Variants in KIDINS220 observed in about 807,000 individuals in gnomAD.
KIDINS220 encodes the protein kinase D interacting substrate 220.
In KIDINS220, 63 loss-of-function variants were observed where a neutral mutation model predicts 157.6. That is an observed-to-expected ratio of 0.40 (90% CI 0.33 to 0.49). The LOEUF (loss-of-function observed/expected upper bound fraction) is 0.49, where lower values mean the gene tolerates loss of function less well. Among genes scored for constraint, KIDINS220 ranks in the 20% least tolerant of loss-of-function variants. The pLI is 0.66. For synonymous variants in KIDINS220, 732 were observed against 783.6 expected, an observed-to-expected ratio of 0.93 and a Z score of 1.10; for missense variants, 1,772 against 2,171.2, an observed-to-expected ratio of 0.82 and a Z score of 3.65.
intron 21 of KIDINS220, among the ~76,000 whole-genome samples, chr2:8,771,576 T>C (rs1318893831): frequency 2.0e-5 from 3 of 152,202 alleles, no homozygotes; most frequent in African/African-American, 7.2e-5. Context: ...TTTTCAAACA[T>C]TGTCAATTTT....
At chr2:8,742,525 T>C (rs1665769194) in intron 26 of KIDINS220, among the ~76,000 whole-genome samples, 1 of 152,236 alleles carries the variant, frequency 6.6e-6, no homozygotes, top group South Asian at 2.1e-4. Context: ...AACAGCACAC[T>C]GGAGCTGTGT....
At chr2:8,734,456 C>A (rs1664591306) in intron 28 of KIDINS220, among the ~76,000 whole-genome samples, 199 bp downstream of exon 28, 1 of 152,044 alleles carries the variant, frequency 6.6e-6, no homozygotes, top group African/African-American at 2.4e-5. Flanking sequence ...GCAAAGGCTG[C>A]CAAGTGCTGC....
At position 8,748,006 on chromosome 2, in the gene KIDINS220, GA is replaced by G; in HGVS notation, c.3415-7del. The stretch of plus-strand genomic sequence containing the variant: ...AGGTATGGGGCAAAGAATGGCTATG[GA>G]AAAACATGTAACAAAAAAGGGGTAA... On this transcript the variant is annotated splice_region_variant and splice_polypyrimidine_tract_variant and intron_variant, in intron 24 of 29. Coordinates refer to ENST00000256707, the MANE Select transcript of KIDINS220 (RefSeq NM_020738.4). The G allele has an allele frequency of 1.3e-6, 2 of 1,514,324 alleles. No homozygotes were observed. The highest frequency in any genetic ancestry group is 2.4e-5 in the East Asian group (1 of 41,162). 93.8% of individuals were successfully genotyped at this position (1,514,324 alleles called of 1,614,324 possible). A position where few individuals can be genotyped will look rare whatever the true frequency, so the allele number is the denominator to read the frequency against.
intron 24 of KIDINS220, 135 bp from the exon 25 acceptor site, chr2:8,748,135 T>C (rs1666840405): frequency 2.3e-6 from 1 of 438,430 alleles, no homozygotes; most frequent in Non-Finnish European, 4.0e-6. Context: ...AAAAAAAGCC[T>C]CACTCATATT....
intron 17 of KIDINS220, among the ~76,000 whole-genome samples, chr2:8,783,526 A>G (rs1671984946): frequency 6.6e-6 from 1 of 152,198 alleles, no homozygotes. Flanking sequence ...ACTGGGAAGA[A>G]AGAAAGAAAA....
intron 22 of KIDINS220, among the ~76,000 whole-genome samples, chr2:8,753,563 C>A (rs534260380): frequency 1.3e-5 from 2 of 152,264 alleles, no homozygotes; most frequent in African/African-American, 4.8e-5. Flanking sequence ...GTCAATTACA[C>A]CTCCAAAAGT....
chr2:8,749,637 A>C (rs563872120), intron 24 of KIDINS220, among the ~76,000 whole-genome samples: 1 of 152,320 alleles, frequency 6.6e-6, no homozygotes, highest in South Asian at 2.1e-4. Context: ...TTGGAAAAAC[A>C]TCTGAGTTCC....
At chr2:8,773,610 T>A (rs1670533700) in intron 21 of KIDINS220, among the ~76,000 whole-genome samples, 1 of 151,970 alleles carries the variant, frequency 6.6e-6, no homozygotes, top group Non-Finnish European at 1.5e-5. Context: ...GTAGCTGGGA[T>A]TACAGGTGTG....
At chr2:8,738,696 C>G (rs1268124733) in intron 26 of KIDINS220, among the ~76,000 whole-genome samples, 1 of 152,078 alleles carries the variant, frequency 6.6e-6, no homozygotes, top group Non-Finnish European at 1.5e-5. Context: ...TAAGGAAAGA[C>G]CAAGAAACTG....
intron 21 of KIDINS220, among the ~76,000 whole-genome samples, chr2:8,773,206 AT>A (rs1670468175): frequency 1.3e-5 from 2 of 152,252 alleles, no homozygotes; most frequent in African/African-American, 4.8e-5. Flanking sequence ...AATATCTCTG[AT>A]TTAACAATTG....
intron 10 of KIDINS220, among the ~76,000 whole-genome samples, chr2:8,797,864 T>C (rs1674180842): frequency 2.0e-5 from 3 of 152,240 alleles, no homozygotes; most frequent in Admixed American, 2.0e-4. Flanking sequence ...CAGGCTGGCC[T>C]GGAACTCCTG....
rs1672340097 is a variant in KIDINS220 at position 8,785,955 on chromosome 2, G to A, written c.2015C>T (p.Ser672Phe). Residue 672 changes from serine to phenylalanine, a missense_variant, in exon 17 of 30, where the codon TCT becomes TTT. Around this residue, in one of 3 missense-constraint regions of KIDINS220, gnomAD observed 725 missense variants for 1,017.1 expected, o/e 0.71. Coordinates refer to ENST00000256707, the MANE Select transcript of KIDINS220 (RefSeq NM_020738.4). ...AAATATAGCCAGAAGAGTAATTCCAGATATAATGCAGCCAATGATAAAAAG... is the reference window on the plus strand; with the variant it reads ...AAATATAGCCAGAAGAGTAATTCCAAATATAATGCAGCCAATGATAAAAAG... ...IFLFIIGCII[S>F]GITLLAIFRV... is the part of the protein sequence containing the mutation. 1 of 1,613,434 alleles carries A rather than the reference G, an allele frequency of 6.2e-7. No homozygotes were observed. The highest frequency in any genetic ancestry group is 8.5e-7 in the Non-Finnish European group (1 of 1,179,728).
At chr2:8,817,481 G>A (rs1677232152) in intron 4 of KIDINS220, 137 bp downstream of exon 4, 2 of 472,130 alleles carry the variant, frequency 4.2e-6, no homozygotes, top group South Asian at 5.4e-5. Context: ...ATTCTTGAGG[G>A]TCATTTCAAT....
chr2:8,772,482 A>C (rs1572591141), intron 21 of KIDINS220, among the ~76,000 whole-genome samples: 2 of 152,228 alleles, frequency 1.3e-5, no homozygotes, highest in Admixed American at 1.3e-4. Flanking sequence ...TCGAAAAAAA[A>C]CAAAAAAAAG....
At chr2:8,746,253 C>A (rs751926369) in intron 26 of KIDINS220, among the ~76,000 whole-genome samples, 6 of 151,918 alleles carry the variant, frequency 3.9e-5, no homozygotes, top group Non-Finnish European at 5.9e-5. Context: ...CAGGTGCCTA[C>A]CACCATGCCT....
At chr2:8,776,914 G>A in intron 20 of KIDINS220, 22 bp from the exon 21 acceptor site, 1 of 1,611,574 alleles carries the variant, frequency 6.2e-7, no homozygotes. Flanking sequence ...CGTCGTCAGT[G>A]AGAAGGAACC....
chr2:8,737,384 A>T, intron 26 of KIDINS220: 1 of 162,050 alleles, frequency 6.2e-6, no homozygotes, highest in East Asian at 1.7e-4. Context: ...TGATGCCAAT[A>T]TTATATGAAT....
intron 22 of KIDINS220, chr2:8,757,740 T>G: frequency 6.2e-7 from 1 of 1,612,386 alleles, no homozygotes; most frequent in Non-Finnish European, 8.5e-7. Flanking sequence ...TAACACTGAC[T>G]TGGAAATGCC....
chr2:8,786,503 AT>A (rs1672417164), intron 15 of KIDINS220, 146 bp from the exon 16 acceptor site: 2 of 694,250 alleles, frequency 2.9e-6, no homozygotes, highest in African/African-American at 3.6e-5. Context: ...AGGGAAAAGA[AT>A]TTGTAATTAG....
Sources: allele counts gnomAD v4.1 joint callset (sites outside exome capture counted in the v4.1 genomes callset), GRCh38; gene constraint gnomAD v4.1.1; regional missense constraint gnomAD v4.1.1; transcripts MANE v1.5; gene names NCBI Gene and HGNC (gene_info 2026-07-23, HGNC 2026-07-21).